The following MTUS2 variants were observed in gnomAD, a reference collection of about 807,000 sequenced individuals.
The protein encoded by MTUS2 is microtubule-associated tumor suppressor candidate 2.
MTUS2 carries 40 observed loss-of-function variants against 114.1 expected under a neutral mutation model. The ratio of observed to expected loss-of-function variants is 0.35; its 90% CI spans 0.27 to 0.46. MTUS2 has a LOEUF of 0.46. MTUS2 is among the 20% of genes least tolerant of loss of function. The probability of loss-of-function intolerance (pLI) is 1.00; values close to 1 mark genes in which losing one functional copy is unlikely to be tolerated. For synonymous variants in MTUS2, 688 were observed against 672.0 expected, an observed-to-expected ratio of 1.02 and a Z score of -0.37; for missense variants, 1,679 against 1,705.4, an observed-to-expected ratio of 0.98 and a Z score of 0.27.
chr13:29,134,378 A>T (rs987635412), intron 5 of MTUS2, among the ~76,000 whole-genome samples: 4 of 134,252 alleles, frequency 3.0e-5, no homozygotes, highest in Non-Finnish European at 5.1e-5. Context: ...CTCTGTATAA[A>T]TCTAATTGGT....
At chr13:29,400,330 G>T (rs1026944380) in intron 8 of MTUS2, among the ~76,000 whole-genome samples, 6 of 152,204 alleles carry the variant, frequency 3.9e-5, no homozygotes, top group Non-Finnish European at 8.8e-5. Flanking sequence ...CAGCATGCGT[G>T]AAGAGCTCCA....
At chr13:29,498,343 G>A in intron 13 of MTUS2, 75 bp from the exon 14 acceptor site, 1 of 1,590,046 alleles carries the variant, frequency 6.3e-7, no homozygotes, top group Non-Finnish European at 8.6e-7. Flanking sequence ...AGATTTAGCT[G>A]GATTCGTGAC....
intron 2 of MTUS2, among the ~76,000 whole-genome samples, chr13:28,980,680 T>A (rs533785071): frequency 1.6e-4 from 24 of 152,376 alleles, no homozygotes; most frequent in African/African-American, 5.5e-4. Flanking sequence ...TGTATAGGAA[T>A]ATCTGTAGGA....
intron 5 of MTUS2, among the ~76,000 whole-genome samples, chr13:29,117,920 C>T (rs1246948892): frequency 3.9e-5 from 6 of 152,134 alleles, no homozygotes; most frequent in East Asian, 3.9e-4. Context: ...TGAGCCAGGG[C>T]GGACCCTGTC....
intron 1 of MTUS2, among the ~76,000 whole-genome samples, chr13:28,821,286 C>T (rs1207513573): frequency 6.6e-6 from 1 of 151,560 alleles, no homozygotes; most frequent in African/African-American, 2.4e-5. Context: ...AATATAGGAC[C>T]CTATATTAAA....
intron 5 of MTUS2, among the ~76,000 whole-genome samples, chr13:29,268,708 T>C (rs901372039): frequency 1.5e-4 from 23 of 152,118 alleles, no homozygotes; most frequent in African/African-American, 4.6e-4. Context: ...TACTGTGGAA[T>C]TCTATTCCGT....
intron 4 of MTUS2, among the ~76,000 whole-genome samples, chr13:29,091,392 C>T (rs925791423): frequency 3.3e-5 from 5 of 152,118 alleles, no homozygotes; most frequent in Non-Finnish European, 5.9e-5. Flanking sequence ...ATTTTTGTGG[C>T]TACAGAGGTC....
chr13:29,035,065 A>G (rs1688624448), intron 4 of MTUS2, among the ~76,000 whole-genome samples: 1 of 152,226 alleles, frequency 6.6e-6, no homozygotes, highest in South Asian at 2.1e-4. Flanking sequence ...CAGGCAGATC[A>G]AATTCTTCTG....
intron 5 of MTUS2, among the ~76,000 whole-genome samples, chr13:29,197,588 C>T (rs995564139): frequency 2.0e-5 from 3 of 151,996 alleles, no homozygotes; most frequent in Non-Finnish European, 4.4e-5. Context: ...GTAATGGGAT[C>T]GCTGGGTCAA....
At position 29,024,901 on chromosome 13, in the gene MTUS2, C is replaced by T. The variant is rs762066283; in HGVS notation, c.203C>T (p.Pro68Leu). ...DEIGNTNSSE[P>L]ENRTHFHKEF... ...ATTGGAAATACAAATTCAAGTGAGC[C>T]AGAAAACCGTACCCATTTCCATAAG... The change falls in exon 3 of 16, where the codon CCA (proline) becomes CTA (leucine). Residue 68 changes from proline (P) to leucine (L), a missense_variant. This residue lies in a region of MTUS2 where 843 missense variants were observed against 770.8 expected (regional missense o/e 1.09). Transcript: ENST00000612955. 8.7e-6 allele frequency: 14 copies of T among 1,613,734 alleles called. No homozygotes were observed. The highest frequency in any genetic ancestry group is 1.2e-5 in the Non-Finnish European group (14 of 1,179,852).
At chr13:29,266,163 A>G (rs763295677) in intron 5 of MTUS2, among the ~76,000 whole-genome samples, 6 of 152,164 alleles carry the variant, frequency 3.9e-5, no homozygotes, top group Non-Finnish European at 7.3e-5. Flanking sequence ...TGGCATTACC[A>G]CTGAGTGCTG....
At position 28,983,239 on chromosome 13, in the gene MTUS2, G is replaced by A. The variant is rs559249930; in HGVS notation, c.-242-41218G>A. Among the ~76,000 whole-genome samples the A allele has an allele frequency of 2.6e-5, 4 of 152,196 alleles. No homozygotes were observed. In the East Asian group the frequency reaches 5.8e-4, roughly 22 times the overall value. ...CCTCTCTATCGCTCCAGAGTGGCCC[G>A]ACTTCTCTCATATGCCATCACTTGC... On this transcript the variant is annotated intron_variant, in intron 2 of 15. Transcript: ENST00000612955.
chr13:29,177,509 C>T (rs1272787605), intron 5 of MTUS2, among the ~76,000 whole-genome samples: 2 of 144,946 alleles, frequency 1.4e-5, no homozygotes, highest in African/African-American at 2.9e-5. Flanking sequence ...CCCCAAACTT[C>T]CCTAATTGAT....
intron 13 of MTUS2, chr13:29,497,732 C>G (rs1593520801): frequency 5.1e-6 from 1 of 196,108 alleles, no homozygotes; most frequent in East Asian, 1.2e-4. Flanking sequence ...GAATTTTTTC[C>G]AGAAAAGCTG....
At chr13:28,863,994 C>T (rs1877146657) in intron 2 of MTUS2, among the ~76,000 whole-genome samples, 1 of 152,200 alleles carries the variant, frequency 6.6e-6, no homozygotes, top group Admixed American at 6.5e-5. Context: ...CTGCGCTCAG[C>T]CCCAGATGTG....
intron 5 of MTUS2, among the ~76,000 whole-genome samples, chr13:29,175,937 A>G (rs978913705): frequency 6.6e-6 from 1 of 152,158 alleles, no homozygotes; most frequent in Admixed American, 6.5e-5. Context: ...CTCAACAGCC[A>G]TATGTATTTA....
At position 29,258,788 on chromosome 13, in the gene MTUS2, TC is replaced by T. The variant is rs144360439; in HGVS notation, c.2645-22915del. Reference sequence around the variant, plus strand: ...GCCTGAGGGCTGCAGACTGACCCACTCTTTCCTTTCTGTGTATACAGCCTTG... The same window carrying T: ...GCCTGAGGGCTGCAGACTGACCCACTTTTCCTTTCTGTGTATACAGCCTTG... On this transcript the variant is annotated intron_variant, in intron 5 of 15. Transcript: ENST00000612955. Among the ~76,000 whole-genome samples the T allele has an allele frequency of 7.0e-3, 1,068 of 152,324 alleles. 13 individuals are homozygous for T. Among genetic ancestry groups the T allele is most frequent in the African/African-American group, 0.024 (1,009 of 41,560 alleles).
intron 4 of MTUS2, among the ~76,000 whole-genome samples, chr13:29,051,081 T>A (rs912775270): frequency 2.0e-5 from 3 of 152,226 alleles, no homozygotes; most frequent in African/African-American, 7.2e-5. Flanking sequence ...TCCTGGGTAG[T>A]CTCTGTAGAA....
chr13:29,364,544 G>A (rs1483030363), intron 8 of MTUS2, among the ~76,000 whole-genome samples: 1 of 152,174 alleles, frequency 6.6e-6, no homozygotes, highest in Non-Finnish European at 1.5e-5. Flanking sequence ...TTGATTCATG[G>A]GTCAGGACAG....
Sources: gnomAD v4.1 joint callset for allele counts (sites outside exome capture counted in the v4.1 genomes callset) on GRCh38, gnomAD v4.1.1 for gene constraint, gnomAD v4.1.1 regional missense constraint, MANE v1.5 for transcripts, NCBI Gene and HGNC (gene_info 2026-07-23, HGNC 2026-07-21) for gene names.